ZNF143: variants seen among roughly 807,000 people sequenced by gnomAD.
ZNF143 encodes SPH-binding factor.
In ZNF143, 49 loss-of-function variants were observed where a neutral mutation model predicts 74.1. The observed-to-expected ratio is 0.66, with a 90% CI of 0.53 to 0.84. The LOEUF (loss-of-function observed/expected upper bound fraction) is 0.84, where lower values mean the gene tolerates loss of function less well. Among genes scored for constraint, ZNF143 ranks in the 40% least tolerant of loss-of-function variants. ZNF143 has a pLI of 0.00. For synonymous variants in ZNF143, 304 were observed against 282.8 expected (o/e 1.07, Z -0.75); for missense variants, 637 against 793.4 (o/e 0.80, Z 2.37).
intron 13 of ZNF143, among the ~76,000 whole-genome samples, chr11:9,514,945 A>G (rs953042134): frequency 6.6e-6 from 1 of 152,178 alleles, no homozygotes; most frequent in African/African-American, 2.4e-5. Flanking sequence ...CCTGACCAAC[A>G]TGGAGAAACC....
chr11:9,462,117 G>GAT (rs1855897292), intron 1 of ZNF143: 1 of 152,090 alleles, frequency 6.6e-6, no homozygotes. Context: ...GTGATAAGGA[G>GAT]ATCACTCAAA....
rs1589908846 is a variant in ZNF143, at chr11:9,496,388, T to C, written c.841+10T>C. On this transcript the variant is annotated intron_variant, in intron 9 of 15. Coordinates refer to ENST00000396602, the MANE Select transcript of ZNF143 (RefSeq NM_003442.6). ...AAGGCATTTGCAACAGGTAAAAGTA[T>C]GAATTTTGTTTTTTTCTTGGTTCCA... 4 of 1,613,806 alleles carry C rather than the reference T, an allele frequency of 2.5e-6. No homozygotes were observed. In the East Asian group the frequency reaches 8.9e-5, roughly 36 times the overall value.
chr11:9,466,637 C>T (rs1027906914), intron 1 of ZNF143, among the ~76,000 whole-genome samples: 2 of 151,630 alleles, frequency 1.3e-5, no homozygotes, highest in Admixed American at 6.6e-5. Context: ...GACAGGGTTT[C>T]ACTGTGTTGC....
chr11:9,465,560 C>T (rs1183990058), intron 1 of ZNF143, among the ~76,000 whole-genome samples: 5 of 150,906 alleles, frequency 3.3e-5, no homozygotes, highest in South Asian at 2.1e-4. Flanking sequence ...AGTGCAGTGG[C>T]GTGATCTCGG....
At chr11:9,469,037 G>A (rs1408361578) in intron 1 of ZNF143, among the ~76,000 whole-genome samples, 1 of 151,618 alleles carries the variant, frequency 6.6e-6, no homozygotes, top group African/African-American at 2.4e-5. Context: ...GGGAGGCTGA[G>A]GCATGAGAAT....
At chr11:9,493,960 T>C (rs1418929116) in intron 7 of ZNF143, among the ~76,000 whole-genome samples, 1 of 152,162 alleles carries the variant, frequency 6.6e-6, no homozygotes, top group Non-Finnish European at 1.5e-5. Context: ...CTTTTGAAAT[T>C]GAAAACACTT....
intron 7 of ZNF143, among the ~76,000 whole-genome samples, chr11:9,484,434 C>G (rs948785926): frequency 6.6e-5 from 10 of 151,030 alleles, no homozygotes; most frequent in African/African-American, 2.5e-4. Flanking sequence ...AGGCTGATCA[C>G]AAACTCCTGA....
At chr11:9,491,605 T>A (rs1002970894) in intron 7 of ZNF143, among the ~76,000 whole-genome samples, 5 of 151,066 alleles carry the variant, frequency 3.3e-5, no homozygotes, top group African/African-American at 4.9e-5. Context: ...ACCACCTCAC[T>A]CCAGCCTGGG....
chr11:9,506,224 C>T lies in ZNF143; in HGVS notation c.1148-2395C>T, dbSNP rs1181754922. On this transcript the variant is annotated intron_variant, in intron 11 of 15. Coordinates refer to ENST00000396602, the MANE Select transcript of ZNF143 (RefSeq NM_003442.6). ...GCAGCTGCCTGTAATCCCAGCTACT[C>T]AGGAGGCTGAGGCAGGATAATCACT... 2.6e-5 allele frequency among the ~76,000 whole-genome samples: 4 copies of T among 152,190 alleles called. No individual in the cohort carries two copies. The East Asian group carries it at 5.8e-4, about 22-fold the overall frequency.
At position 9,478,485 on chromosome 11, in the gene ZNF143, A is replaced by C. The variant is rs373687869; in HGVS notation, c.469A>C (p.Ile157Leu). 26 of 1,614,112 alleles carry C rather than the reference A, an allele frequency of 1.6e-5. No individual in the cohort carries two copies. The highest frequency in any genetic ancestry group is 1.6e-4 in the Middle Eastern group (1 of 6,084). The change falls in exon 6 of 16, where the codon ATC becomes CTC. Residue 157 changes from isoleucine (I) to leucine (L), a missense_variant. Around this residue, in one of 2 missense-constraint regions of ZNF143, gnomAD observed 293 missense variants for 307.8 expected, o/e 0.95. Coordinates refer to ENST00000396602, the MANE Select transcript of ZNF143 (RefSeq NM_003442.6). ...HAVQVPQSDT[I>L]LAIQADGTVA... ...AGTGCAAGTCCCGCAGTCTGACACC[A>C]TCTTGGCAATTCAGGCTGATGGGAC...
chr11:9,485,595 G>C (rs986044539), intron 7 of ZNF143, among the ~76,000 whole-genome samples: 2 of 151,294 alleles, frequency 1.3e-5, no homozygotes, highest in African/African-American at 4.9e-5. Flanking sequence ...GATCCACCTG[G>C]CTTGGCCTCC....
intron 7 of ZNF143, among the ~76,000 whole-genome samples, chr11:9,483,058 A>ATT (rs1174785196): frequency 6.6e-6 from 1 of 150,762 alleles, no homozygotes; most frequent in Non-Finnish European, 1.5e-5. Flanking sequence ...CAGTGATGTG[A>ATT]TTTTGGCTGA....
chr11:9,465,952 C>T (rs1856185637), intron 1 of ZNF143, among the ~76,000 whole-genome samples: 1 of 151,650 alleles, frequency 6.6e-6, no homozygotes, highest in Non-Finnish European at 1.5e-5. Flanking sequence ...CTCAGCCTCC[C>T]AAGTGGCTTG....
chr11:9,507,707 C>T (rs1256178714), intron 11 of ZNF143, among the ~76,000 whole-genome samples: 1 of 152,158 alleles, frequency 6.6e-6, no homozygotes, highest in Non-Finnish European at 1.5e-5. Context: ...TACACCACCA[C>T]ATGTTAGCAC....
intron 7 of ZNF143, among the ~76,000 whole-genome samples, chr11:9,484,246 T>A (rs1298603645): frequency 2.0e-5 from 3 of 151,274 alleles, no homozygotes; most frequent in South Asian, 2.1e-4. Flanking sequence ...CAGGCTGGAG[T>A]GCAGTGGCCT....
intron 10 of ZNF143, 144 bp from the exon 11 acceptor site, chr11:9,500,947 C>G: frequency 4.5e-6 from 4 of 887,836 alleles, no homozygotes; most frequent in South Asian, 1.7e-5. Context: ...TTTCCCCAAC[C>G]CCCCCAAAAA....
At chr11:9,477,942 C>G (rs1365204502) in intron 5 of ZNF143, among the ~76,000 whole-genome samples, 1 of 152,204 alleles carries the variant, frequency 6.6e-6, no homozygotes, top group Non-Finnish European at 1.5e-5. Context: ...TCTCCTGCCT[C>G]AGCCTCCCCA....
chr11:9,461,123 T>G (rs1208628696), intron 1 of ZNF143, 47 bp downstream of exon 1: 27 of 976,510 alleles, frequency 2.8e-5, no homozygotes, highest in Non-Finnish European at 2.8e-5. Context: ...ATTCTCCGCC[T>G]GGCCGCCGCC....
At chr11:9,513,557 A>G (rs1460631504) in intron 13 of ZNF143, among the ~76,000 whole-genome samples, 4 of 152,228 alleles carry the variant, frequency 2.6e-5, no homozygotes, top group African/African-American at 9.6e-5. Context: ...CAGGTCTGAA[A>G]TAGCCACTAC....
Sources: gnomAD v4.1 joint callset for allele counts (sites outside exome capture counted in the v4.1 genomes callset) on GRCh38, gnomAD v4.1.1 for gene constraint, gnomAD v4.1.1 regional missense constraint, MANE v1.5 for transcripts, NCBI Gene and HGNC (gene_info 2026-07-23, HGNC 2026-07-21) for gene names.